Variants in CERS6 observed in about 807,000 individuals in gnomAD.
CERS6 encodes LAG1 homolog, ceramide synthase 6.
A neutral mutation model predicts 56.8 loss-of-function variants in CERS6; 26 were observed. The observed-to-expected ratio is 0.46, with a 90% confidence interval of 0.34 to 0.63. The LOEUF (loss-of-function observed/expected upper bound fraction) is 0.63. CERS6 is among the 30% of genes least tolerant of loss of function. CERS6 has a pLI of 0.01. For missense variants in CERS6, 415 were observed against 467.5 expected, an observed-to-expected ratio of 0.89 and a Z score of 1.04; for synonymous variants, 164 against 173.3, an observed-to-expected ratio of 0.95 and a Z score of 0.42.
intron 4 of CERS6, chr2:168,644,410 G>A (rs1379246529): frequency 2.1e-6 from 2 of 955,104 alleles, no homozygotes; most frequent in East Asian, 1.2e-4. Context: ...AAGTGAGGCA[G>A]ATGAACAAAG....
At chr2:168,515,177 T>C (rs535397053) in intron 1 of CERS6, among the ~76,000 whole-genome samples, 5 of 152,198 alleles carry the variant, frequency 3.3e-5, no homozygotes, top group Admixed American at 1.3e-4. Context: ...TACTGAATAG[T>C]TCAGTTGTCT....
Position 168,665,946 on chromosome 2 carries a change from A to G in CERS6, c.466-25088A>G, listed in dbSNP as rs1685746692. Among the ~76,000 whole-genome samples, 2 of 119,166 alleles carry G rather than the reference A, an allele frequency of 1.7e-5. 1 individual carries two copies. The highest frequency in any genetic ancestry group is 2.0e-4 in the Admixed American group (2 of 9,860). The allele number at this position is 119,166 out of a possible 152,430, so 78.2% of individuals were successfully genotyped here. ...GTTTTAAGAATTTTTTTAAAAAATT[A>G]GTAGACTGTGTGTGTGTGTGTGTGT... On this transcript the variant is annotated intron_variant, in intron 4 of 9. Coordinates refer to ENST00000305747, the MANE Select transcript of CERS6 (RefSeq NM_203463.3).
At chr2:168,671,911 T>C (rs1685928367) in intron 4 of CERS6, among the ~76,000 whole-genome samples, 1 of 152,334 alleles carries the variant, frequency 6.6e-6, no homozygotes, top group Admixed American at 6.5e-5. Context: ...AATTAGAGTA[T>C]CTTAGAAATG....
At position 168,741,379 on chromosome 2, in the gene CERS6, A is replaced by T. The variant is rs867746533; in HGVS notation, c.845+23401A>T. Among the ~76,000 whole-genome samples the T allele has an allele frequency of 4.6e-3, 665 of 143,296 alleles. 6 individuals carry two copies. Among genetic ancestry groups the T allele is most frequent in the African/African-American group, 0.012 (437 of 35,810 alleles). The allele number at this position is 143,296 out of a possible 152,430, so 94.0% of individuals were successfully genotyped here. A position where few individuals can be genotyped will look rare whatever the true frequency, so the allele number is the denominator to read the frequency against. On this transcript the variant is annotated intron_variant, in intron 8 of 9. Transcript: ENST00000305747. ...ATGTATGGATTTGGAGAATTAAAAA[A>T]AAAAAAAAAAAAAAAAGACAAACTT...
At chr2:168,541,032 A>C (rs1281686582) in intron 1 of CERS6, among the ~76,000 whole-genome samples, 1 of 152,228 alleles carries the variant, frequency 6.6e-6, no homozygotes, top group Non-Finnish European at 1.5e-5. Flanking sequence ...TGAGGGCCTC[A>C]GGCTGCTTCC....
chr2:168,749,325 T>A (rs1357983654), intron 8 of CERS6, among the ~76,000 whole-genome samples: 2 of 152,212 alleles, frequency 1.3e-5, no homozygotes, highest in East Asian at 1.9e-4. Context: ...GTGCTGCTTC[T>A]TTTGTTCAGA....
intron 1 of CERS6, among the ~76,000 whole-genome samples, chr2:168,538,312 C>A (rs980375659): frequency 1.3e-5 from 2 of 151,804 alleles, no homozygotes. Context: ...TGCTCTCTGA[C>A]CCCACTTCAT....
At chr2:168,541,620 G>A (rs1695374900) in intron 1 of CERS6, among the ~76,000 whole-genome samples, 3 of 152,024 alleles carry the variant, frequency 2.0e-5, no homozygotes, top group Non-Finnish European at 4.4e-5. Flanking sequence ...GAGTTATTTT[G>A]TGGAGATGGT....
chr2:168,608,038 T>A (rs1312246291), intron 3 of CERS6, among the ~76,000 whole-genome samples: 1 of 152,224 alleles, frequency 6.6e-6, no homozygotes, highest in African/African-American at 2.4e-5. Context: ...ACAGGCCATA[T>A]GCTTTCACTC....
chr2:168,504,739 G>A (rs991274494), intron 1 of CERS6, among the ~76,000 whole-genome samples: 12 of 152,142 alleles, frequency 7.9e-5, no homozygotes, highest in African/African-American at 2.9e-4. Context: ...TGGACAGGCA[G>A]TATGGGCATG....
At chr2:168,602,241 T>C (rs1034957794) in intron 3 of CERS6, among the ~76,000 whole-genome samples, 1 of 152,228 alleles carries the variant, frequency 6.6e-6, no homozygotes. Context: ...TCAAGTGATA[T>C]TAAAAATCAG....
chr2:168,584,964 C>T (rs1683506562), intron 3 of CERS6, among the ~76,000 whole-genome samples: 1 of 152,234 alleles, frequency 6.6e-6, no homozygotes, highest in Non-Finnish European at 1.5e-5. Flanking sequence ...TTTGAGCTCT[C>T]ATTGAAAGAG....
chr2:168,752,677 A>G (rs1179984154), intron 8 of CERS6, among the ~76,000 whole-genome samples: 1 of 152,232 alleles, frequency 6.6e-6, no homozygotes, highest in Non-Finnish European at 1.5e-5. Flanking sequence ...CGTAGCCATT[A>G]CTATCCGACT....
Position 168,670,971 on chromosome 2 carries a change from C to G in CERS6, c.466-20063C>G, listed in dbSNP as rs113115459. The stretch of plus-strand genomic sequence containing the variant: ...GCAGGTGCTGGATACATGCTTCCCC[C>G]CCCCCCCCCAGACGGAAGCTTGCTC... On this transcript the variant is annotated intron_variant, in intron 4 of 9. Transcript: ENST00000305747. Among the ~76,000 whole-genome samples, 87 of 57,104 alleles carry G rather than the reference C, an allele frequency of 1.5e-3. 19 individuals are homozygous for G. The highest frequency in any genetic ancestry group is 3.7e-3 in the South Asian group (4 of 1,074). 37.5% of individuals were successfully genotyped at this position (57,104 alleles called of 152,430 possible).
Position 168,774,705 on chromosome 2 carries a change from C to T in CERS6, c.*5043C>T, listed in dbSNP as rs571535057. ...TTATGTGATGATTCTGAAACTTTAA[C>T]TTAGAGCTTCATTACTTTAAGAATG... On this transcript the variant is annotated 3_prime_UTR_variant, in exon 10 of 10. Transcript: ENST00000305747. The T allele has an allele frequency of 6.6e-6, 1 of 151,714 alleles. No individual in the cohort carries two copies. The highest frequency in any genetic ancestry group is 2.1e-4 in the South Asian group (1 of 4,816). 9.4% of individuals were successfully genotyped at this position (151,714 alleles called of 1,614,324 possible). A position where few individuals can be genotyped will look rare whatever the true frequency, so the allele number is the denominator to read the frequency against.
Position 168,745,855 on chromosome 2 carries a change from A to G in CERS6, c.846-19737A>G, listed in dbSNP as rs189665761. On this transcript the variant is annotated intron_variant, in intron 8 of 9. Coordinates refer to ENST00000305747, the MANE Select transcript of CERS6 (RefSeq NM_203463.3). ...CCCTCTCTTTCTCTTCCTACCTTCA[A>G]CGTCATCAAGCACTCTGAGGGGCTT... Among the ~76,000 whole-genome samples the G allele has an allele frequency of 1.3e-4, 20 of 152,260 alleles. No homozygotes were observed. The East Asian group carries it at 3.1e-3, about 24-fold the overall frequency.
At chr2:168,739,946 G>A (rs1683844471) in intron 8 of CERS6, among the ~76,000 whole-genome samples, 1 of 152,052 alleles carries the variant, frequency 6.6e-6, no homozygotes, top group Non-Finnish European at 1.5e-5. Context: ...CTGACCTCAG[G>A]TGACCCATCC....
At chr2:168,533,739 C>A (rs917046223) in intron 1 of CERS6, among the ~76,000 whole-genome samples, 3 of 152,090 alleles carry the variant, frequency 2.0e-5, no homozygotes, top group Non-Finnish European at 4.4e-5. Context: ...CTCTGTATTT[C>A]CTGAATTTGC....
intron 6 of CERS6, among the ~76,000 whole-genome samples, chr2:168,710,400 A>C (rs1687061186): frequency 1.3e-5 from 2 of 152,230 alleles, no homozygotes. Context: ...TGTTCTTTTT[A>C]GGTATTCAGC....
Sources: gnomAD v4.1 joint callset for allele counts (sites outside exome capture counted in the v4.1 genomes callset) on GRCh38, gnomAD v4.1.1 for gene constraint, MANE v1.5 for transcripts, NCBI Gene and HGNC (gene_info 2026-07-23, HGNC 2026-07-21) for gene names.